ARMH3: variants seen among roughly 807,000 people sequenced by gnomAD.
ARMH3 encodes armadillo like helical domain containing 3, also known as armadillo-like helical domain-containing protein 3.
ARMH3 carries 60 observed loss-of-function variants against 99.1 expected under a neutral mutation model. That is an observed-to-expected ratio of 0.61 (90% CI 0.49 to 0.75). ARMH3 has a LOEUF of 0.75. Among genes scored for constraint, ARMH3 ranks in the 30% least tolerant of loss-of-function variants. The probability of loss-of-function intolerance (pLI) is 0.00; values close to 1 mark genes in which losing one functional copy is unlikely to be tolerated. For missense variants in ARMH3, 679 were observed against 843.1 expected, an observed-to-expected ratio of 0.81 and a Z score of 2.41; for synonymous variants, 285 against 292.8, an observed-to-expected ratio of 0.97 and a Z score of 0.27.
chr10:101,889,686 C>A, intron 23 of ARMH3, 196 bp from the exon 24 acceptor site: 1 of 578,840 alleles, frequency 1.7e-6, no homozygotes. Context: ...GAAGGATTTA[C>A]TATTAGACAG....
intron 23 of ARMH3, among the ~76,000 whole-genome samples, chr10:101,937,179 C>T (rs1459549686): frequency 6.6e-6 from 1 of 152,116 alleles, no homozygotes; most frequent in Admixed American, 6.5e-5. Context: ...CAGAAGGAGG[C>T]ATTATGGTTT....
chr10:102,029,259 G>T (rs1590206827), intron 5 of ARMH3, among the ~76,000 whole-genome samples: 1 of 152,108 alleles, frequency 6.6e-6, no homozygotes, highest in East Asian at 1.9e-4. Context: ...ACAGCAGAAA[G>T]AAAAATTCTG....
At chr10:101,862,445 C>T (rs1299155276) in intron 24 of ARMH3, among the ~76,000 whole-genome samples, 5 of 151,942 alleles carry the variant, frequency 3.3e-5, no homozygotes, top group Non-Finnish European at 5.9e-5. Context: ...GCCGTAGTGG[C>T]GCATGCCTGT....
At chr10:101,932,763 G>C (rs190528704) in intron 23 of ARMH3, among the ~76,000 whole-genome samples, 61 of 152,212 alleles carry the variant, frequency 4.0e-4, no homozygotes, top group Non-Finnish European at 5.9e-5. Context: ...GGGAGAAAGA[G>C]GGAATAGGGA....
At chr10:101,881,252 T>C (rs1487872024) in intron 24 of ARMH3, among the ~76,000 whole-genome samples, 2 of 152,124 alleles carry the variant, frequency 1.3e-5, no homozygotes, top group Admixed American at 6.6e-5. Context: ...CATATGAGGG[T>C]ACCAGCAGAA....
chr10:101,944,261 TATATATATATATAGAGAGAGAG>T (rs1338007113), intron 22 of ARMH3, among the ~76,000 whole-genome samples: 5 of 67,346 alleles, frequency 7.4e-5, no homozygotes, highest in East Asian at 8.3e-4. Flanking sequence ...TATATATATA[TATATATATATATAGAGAGAGAG>T]AGAGAGAGAG....
At chr10:101,903,196 G>A (rs1461335829) in intron 23 of ARMH3, among the ~76,000 whole-genome samples, 4 of 152,154 alleles carry the variant, frequency 2.6e-5, no homozygotes, top group African/African-American at 9.6e-5. Context: ...CAAATTGACT[G>A]CTTTCTCATA....
intron 15 of ARMH3, among the ~76,000 whole-genome samples, chr10:101,999,004 T>C (rs986668505): frequency 2.4e-4 from 36 of 152,286 alleles, no homozygotes; most frequent in Admixed American, 9.2e-4. Flanking sequence ...GGACAGTTAG[T>C]TCCTAAAAAG....
At chr10:101,915,442 T>C (rs1003686770) in intron 23 of ARMH3, among the ~76,000 whole-genome samples, 1 of 152,226 alleles carries the variant, frequency 6.6e-6, no homozygotes, top group African/African-American at 2.4e-5. Flanking sequence ...TTCAGTATTA[T>C]TGCTGCAAGT....
At chr10:101,965,574 A>T (rs1426804179) in intron 20 of ARMH3, among the ~76,000 whole-genome samples, 1 of 152,194 alleles carries the variant, frequency 6.6e-6, no homozygotes, top group Non-Finnish European at 1.5e-5. Flanking sequence ...TTTGATTCCT[A>T]ATCCTTGCTG....
intron 13 of ARMH3, 47 bp downstream of exon 13, chr10:102,009,327 A>G: frequency 1.3e-6 from 2 of 1,519,408 alleles, no homozygotes; most frequent in Non-Finnish European, 1.8e-6. Flanking sequence ...ATTAATCGGT[A>G]TGAAATTTAG....
At chr10:101,999,610 G>A (rs2066301991) in intron 15 of ARMH3, among the ~76,000 whole-genome samples, 1 of 152,080 alleles carries the variant, frequency 6.6e-6, no homozygotes, top group African/African-American at 2.4e-5. Flanking sequence ...AGCATTTTGG[G>A]GACAAATGGG....
rs567651407 is a variant in ARMH3, at chr10:101,902,133, A to G, written c.1782-12643T>C. On this transcript the variant is annotated intron_variant, in intron 23 of 25. Transcript: ENST00000370033. The stretch of plus-strand genomic sequence containing the variant: ...CCTAAGATTTACAAATGGCACTTGA[A>G]GCACCTTTTGGCCCTATTTCTTTCT... Among the ~76,000 whole-genome samples the G allele has an allele frequency of 1.6e-4, 25 of 152,326 alleles. No homozygotes were observed. In the South Asian group the frequency reaches 5.2e-3, roughly 32 times the overall value.
In ARMH3 at chr10:101,944,611, C is replaced by T. The variant is rs1328036293; in HGVS notation, c.1706-4673G>A. On this transcript the variant is annotated intron_variant, in intron 22 of 25. Transcript: ENST00000370033. Reference sequence around the variant, plus strand: ...GGTGGATCACCTGAGGTCAGGAGTTCGAGACCAGCCTGGCCAACATGGCGA... The same window carrying T: ...GGTGGATCACCTGAGGTCAGGAGTTTGAGACCAGCCTGGCCAACATGGCGA... Among the ~76,000 whole-genome samples the T allele has an allele frequency of 2.0e-5, 3 of 151,932 alleles. 1 individual carries two copies. The highest frequency in any genetic ancestry group is 4.8e-5 in the African/African-American group (2 of 41,450).
At chr10:101,935,245 G>A (rs570718844) in intron 23 of ARMH3, among the ~76,000 whole-genome samples, 1 of 146,914 alleles carries the variant, frequency 6.8e-6, no homozygotes, top group African/African-American at 2.5e-5. Context: ...CTATAGAGAA[G>A]AAAACATACA....
chr10:102,045,598 A>G (rs779520145), intron 1 of ARMH3, among the ~76,000 whole-genome samples: 2 of 152,188 alleles, frequency 1.3e-5, no homozygotes, highest in African/African-American at 4.8e-5. Context: ...GAGCATAAAC[A>G]TTCCTTTTCT....
intron 11 of ARMH3, among the ~76,000 whole-genome samples, chr10:102,010,507 A>G (rs1176598525): frequency 6.6e-6 from 1 of 152,232 alleles, no homozygotes; most frequent in Non-Finnish European, 1.5e-5. Flanking sequence ...AAAGCTGTCT[A>G]TATGAGATCC....
chr10:101,849,919 G>T (rs1445499167), intron 24 of ARMH3, 27 bp from the exon 25 acceptor site: 4 of 1,601,122 alleles, frequency 2.5e-6, no homozygotes, highest in Non-Finnish European at 3.4e-6. Context: ...GCCAGGCAGG[G>T]CTTAGGCCAT....
chr10:102,025,679 CTCTG>C (rs1168311165), intron 5 of ARMH3, among the ~76,000 whole-genome samples: 10 of 152,078 alleles, frequency 6.6e-5, no homozygotes, highest in African/African-American at 1.9e-4. Context: ...CAGAGTCTCA[CTCTG>C]TCTGTCAGTC....
Sources: allele counts gnomAD v4.1 joint callset (sites outside exome capture counted in the v4.1 genomes callset), GRCh38; gene constraint gnomAD v4.1.1; transcripts MANE v1.5; gene names NCBI Gene and HGNC (gene_info 2026-07-23, HGNC 2026-07-21).